CSMD3: variants seen among roughly 807,000 people sequenced by gnomAD.
The protein encoded by CSMD3 is CUB and Sushi multiple domains 3, also known as CUB and sushi domain-containing protein 3.
CSMD3 carries 177 observed loss-of-function variants against 435.2 expected under a neutral mutation model. The observed-to-expected ratio is 0.41, with a 90% CI of 0.36 to 0.46. CSMD3 has a LOEUF of 0.46. Among genes scored for constraint, CSMD3 ranks in the 20% least tolerant of loss-of-function variants. The pLI, the probability that CSMD3 is intolerant of heterozygous loss-of-function variation, is 0.34. For synonymous variants in CSMD3, 1,656 were observed against 1,520.5 expected (o/e 1.09, Z -2.07); for missense variants, 4,265 against 4,504.6 (o/e 0.95, Z 1.52).
At chr8:112,858,226 CTG>C (rs2080721883) in intron 11 of CSMD3, among the ~76,000 whole-genome samples, 1 of 151,676 alleles carries the variant, frequency 6.6e-6, no homozygotes, top group African/African-American at 2.4e-5. Context: ...TTACTAACAA[CTG>C]TGTTTGCATT....
chr8:113,187,464 T>C (rs1423000702), intron 3 of CSMD3, among the ~76,000 whole-genome samples: 5 of 152,048 alleles, frequency 3.3e-5, no homozygotes, highest in African/African-American at 1.2e-4. Flanking sequence ...CACTCTGTTT[T>C]ATTCACTTAA....
chr8:113,239,152 C>A (rs1180345162), intron 3 of CSMD3, among the ~76,000 whole-genome samples: 1 of 152,032 alleles, frequency 6.6e-6, no homozygotes, highest in Admixed American at 6.6e-5. Context: ...ACATTGGTTG[C>A]CTGTGAATAA....
chr8:112,529,313 G>T (rs1434175697), intron 27 of CSMD3, among the ~76,000 whole-genome samples: 1 of 152,136 alleles, frequency 6.6e-6, no homozygotes, highest in Non-Finnish European at 1.5e-5. Flanking sequence ...AAAAAGCACA[G>T]TTAATGCGGT....
chr8:112,320,025 C>T (rs1822845932), intron 45 of CSMD3, 44 bp from the exon 46 acceptor site: 4 of 1,222,574 alleles, frequency 3.3e-6, no homozygotes, highest in African/African-American at 1.5e-5. Context: ...TGTGCAGCTA[C>T]ATGTATTCAC....
chr8:112,537,981 A>C (rs1826296951), intron 27 of CSMD3, among the ~76,000 whole-genome samples: 1 of 152,160 alleles, frequency 6.6e-6, no homozygotes, highest in African/African-American at 2.4e-5. Context: ...CACATTAAAA[A>C]GATCATTTAC....
intron 3 of CSMD3, among the ~76,000 whole-genome samples, chr8:113,189,610 A>G (rs2092556152): frequency 6.6e-6 from 1 of 151,860 alleles, no homozygotes; most frequent in East Asian, 1.9e-4. Flanking sequence ...ATTATTAATA[A>G]TATGCTTATT....
intron 1 of CSMD3, among the ~76,000 whole-genome samples, chr8:113,419,827 T>C (rs1206161611): frequency 6.6e-6 from 1 of 152,148 alleles, no homozygotes. Flanking sequence ...TTTGATGGCA[T>C]GTAGAGATCA....
intron 6 of CSMD3, among the ~76,000 whole-genome samples, chr8:112,997,816 C>A (rs2085710992): frequency 6.7e-6 from 1 of 149,944 alleles, no homozygotes; most frequent in African/African-American, 2.4e-5. Context: ...ATAGTCCCCC[C>A]AAAATTTTAA....
chr8:113,369,444 A>G (rs2094333717), intron 1 of CSMD3, among the ~76,000 whole-genome samples: 1 of 152,056 alleles, frequency 6.6e-6, no homozygotes, highest in Non-Finnish European at 1.5e-5. Context: ...AAACTGTTGT[A>G]CATTGTTGGT....
At chr8:112,285,800 G>C (rs1395854969) in intron 58 of CSMD3, among the ~76,000 whole-genome samples, 1 of 151,848 alleles carries the variant, frequency 6.6e-6, no homozygotes, top group Non-Finnish European at 1.5e-5. Flanking sequence ...GTTCACTGCA[G>C]CCTCTGCCTC....
intron 24 of CSMD3, among the ~76,000 whole-genome samples, chr8:112,569,314 A>G (rs930856007): frequency 5.3e-5 from 8 of 152,146 alleles, no homozygotes; most frequent in Non-Finnish European, 1.2e-4. Context: ...CTTGTTAAGT[A>G]GTTGAATCAA....
chr8:112,858,085 A>C (rs531593536), intron 11 of CSMD3, among the ~76,000 whole-genome samples: 1 of 151,784 alleles, frequency 6.6e-6, no homozygotes, highest in African/African-American at 2.4e-5. Flanking sequence ...CCCTTGGTTG[A>C]GTTTTAAACC....
In CSMD3 at chr8:112,354,007, A is replaced by G. The variant is rs551325239; in HGVS notation, c.6137-1473T>C. On this transcript the variant is annotated intron_variant, in intron 38 of 70. Coordinates refer to ENST00000297405, the MANE Select transcript of CSMD3 (RefSeq NM_198123.2). Reference sequence around the variant, plus strand: ...CAAAAAGTTAATTCACCATGATCAAACAGGATTCTTCCTGGGATGCAAGGT... The same window carrying G: ...CAAAAAGTTAATTCACCATGATCAAGCAGGATTCTTCCTGGGATGCAAGGT... Among the ~76,000 whole-genome samples the G allele has an allele frequency of 7.2e-5, 11 of 152,304 alleles. No individual in the cohort carries two copies. The East Asian group carries it at 2.1e-3, about 29-fold the overall frequency.
rs144063554 is a variant in CSMD3, at chr8:112,856,787, A to G, written c.1755+2358T>C. Among the ~76,000 whole-genome samples the G allele has an allele frequency of 3.1e-3, 476 of 151,994 alleles. 4 individuals carry two copies. Among genetic ancestry groups the G allele is most frequent in the African/African-American group, 9.9e-3 (410 of 41,542 alleles). On this transcript the variant is annotated intron_variant, in intron 11 of 70. Transcript: ENST00000297405. The stretch of plus-strand genomic sequence containing the variant: ...AACATGAACAATAATTACTGAACAA[A>G]TTATAAATGTAGAGGTATTAATCAC...
intron 12 of CSMD3, among the ~76,000 whole-genome samples, chr8:112,806,856 G>A (rs1039159073): frequency 6.6e-6 from 1 of 152,158 alleles, no homozygotes; most frequent in Non-Finnish European, 1.5e-5. Context: ...TTCTTCTTCT[G>A]TGCTCTCATA....
At position 112,790,479 on chromosome 8, in the gene CSMD3, GGATTAAGTGGTT is replaced by G. The variant is rs370179788; in HGVS notation, c.1972+9671_1972+9682del. Among the ~76,000 whole-genome samples the G allele has an allele frequency of 3.3e-3, 502 of 151,900 alleles. 4 individuals are homozygous for G. Among genetic ancestry groups the G allele is most frequent in the African/African-American group, 0.011 (437 of 41,476 alleles). ...GATATTTCTTAGGCATGTACCATCA[GGATTAAGTGGTT>G]GATTATAATGAATTTTCACTTTGTA... is the stretch of plus-strand genomic sequence containing the variant. On this transcript the variant is annotated intron_variant, in intron 13 of 70. Coordinates refer to ENST00000297405, the MANE Select transcript of CSMD3 (RefSeq NM_198123.2).
intron 3 of CSMD3, among the ~76,000 whole-genome samples, chr8:113,216,995 C>T (rs1169269674): frequency 6.6e-6 from 1 of 151,746 alleles, no homozygotes; most frequent in Admixed American, 6.6e-5. Flanking sequence ...AATAAAACTT[C>T]CAGAGACCAT....
intron 3 of CSMD3, among the ~76,000 whole-genome samples, chr8:113,203,247 T>C (rs1049391102): frequency 6.6e-6 from 1 of 152,134 alleles, no homozygotes; most frequent in African/African-American, 2.4e-5. Context: ...TATGTACAAA[T>C]ATTTGTCAAT....
intron 31 of CSMD3, among the ~76,000 whole-genome samples, chr8:112,473,660 G>A (rs1818743507): frequency 6.6e-6 from 1 of 151,566 alleles, no homozygotes; most frequent in Non-Finnish European, 1.5e-5. Flanking sequence ...GGGTTGACTT[G>A]GCAATCTGGA....
Sources: allele counts gnomAD v4.1 joint callset (sites outside exome capture counted in the v4.1 genomes callset), GRCh38; gene constraint gnomAD v4.1.1; transcripts MANE v1.5; gene names NCBI Gene and HGNC (gene_info 2026-07-23, HGNC 2026-07-21).